SENP6: variants seen among roughly 807,000 people sequenced by gnomAD.
SENP6 encodes sentrin-specific protease 6.
Under a neutral mutation model 134.5 loss-of-function variants are expected in SENP6, and 41 were observed. That is an observed-to-expected ratio of 0.30 (90% CI 0.24 to 0.40). The LOEUF (loss-of-function observed/expected upper bound fraction) is 0.40. Among genes scored for constraint, SENP6 ranks in the 10% least tolerant of loss-of-function variants. The pLI, the probability that SENP6 is intolerant of heterozygous loss-of-function variation, is 1.00. For missense variants in SENP6, 1,248 were observed against 1,312.5 expected (o/e 0.95, Z 0.76); for synonymous variants, 395 against 429.8 (o/e 0.92, Z 1.00).
At chr6:75,715,312 C>T (rs7766781) in intron 23 of SENP6, 73 bp from the exon 24 acceptor site, 71,002 of 1,142,150 alleles carry the variant, frequency 0.062, 2,754 homozygotes, top group Non-Finnish European at 0.077. Context: ...TTTTTAACTT[C>T]GGAATGTTTC....
intron 5 of SENP6, among the ~76,000 whole-genome samples, chr6:75,640,050 C>T (rs1769906618): frequency 6.6e-6 from 1 of 152,062 alleles, no homozygotes; most frequent in African/African-American, 2.4e-5. Context: ...TTGAATTTTT[C>T]AGATATTGAG....
At chr6:75,609,975 A>T (rs1767321858) in intron 1 of SENP6, among the ~76,000 whole-genome samples, 1 of 152,024 alleles carries the variant, frequency 6.6e-6, no homozygotes, top group Admixed American at 6.5e-5. Context: ...TTTAGTAGAG[A>T]TGGGGTTTCT....
At chr6:75,617,904 CCTCAGGTTGGGT>C (rs1378217421) in intron 1 of SENP6, among the ~76,000 whole-genome samples, 2 of 152,038 alleles carry the variant, frequency 1.3e-5, no homozygotes, top group African/African-American at 4.8e-5. Flanking sequence ...ATACAGTGTC[CCTCAGGTTGGGT>C]TTGTCTGATG....
intron 11 of SENP6, among the ~76,000 whole-genome samples, chr6:75,672,446 G>A (rs1448323002): frequency 6.6e-6 from 1 of 152,176 alleles, no homozygotes; most frequent in Admixed American, 6.5e-5. Flanking sequence ...AACATAAAAT[G>A]TGTCAGTTTA....
At chr6:75,659,173 G>A (rs558363952) in intron 7 of SENP6, 89 bp from the exon 8 acceptor site, 257 of 932,672 alleles carry the variant, frequency 2.8e-4, no homozygotes, top group African/African-American at 2.1e-3. Context: ...ATAATTATTG[G>A]TTTAGTCTTA....
rs745487389 is a variant in SENP6, at chr6:75,709,656, T to C, written c.2820+26T>C. On this transcript the variant is annotated intron_variant, in intron 20 of 23. Transcript: ENST00000447266. ...GTAAAACTTAATGCTTGGCAAAAAG[T>C]TCTAATGTTTTATCTAATTAAAAGT... 3.2e-6 allele frequency: 5 copies of C among 1,540,356 alleles called. No homozygotes were observed. In the Admixed American group the frequency reaches 8.4e-5, roughly 26 times the overall value.
intron 7 of SENP6, among the ~76,000 whole-genome samples, chr6:75,653,183 A>G (rs1296735215): frequency 1.3e-5 from 2 of 152,140 alleles, no homozygotes; most frequent in African/African-American, 4.8e-5. Context: ...GGCCTGGGCC[A>G]GTCTGCCTGG....
intron 23 of SENP6, among the ~76,000 whole-genome samples, chr6:75,714,722 C>G (rs1775939325): frequency 6.6e-6 from 1 of 152,170 alleles, no homozygotes; most frequent in Non-Finnish European, 1.5e-5. Flanking sequence ...ATACAACAGC[C>G]AGCCACCTGA....
chr6:75,714,796 C>A (rs575497258), intron 23 of SENP6, among the ~76,000 whole-genome samples: 2 of 152,034 alleles, frequency 1.3e-5, no homozygotes, highest in East Asian at 3.9e-4. Flanking sequence ...ACCTGGAATA[C>A]TTTTTTGTTG....
At chr6:75,680,981 T>G (rs1177566587) in intron 16 of SENP6, among the ~76,000 whole-genome samples, 1 of 152,190 alleles carries the variant, frequency 6.6e-6, no homozygotes, top group Non-Finnish European at 1.5e-5. Context: ...GATTTCAAAA[T>G]GAAAATCATT....
chr6:75,661,669 A>G (rs1771784969), intron 8 of SENP6, among the ~76,000 whole-genome samples: 1 of 152,234 alleles, frequency 6.6e-6, no homozygotes, highest in Admixed American at 6.5e-5. Flanking sequence ...GCCTCTATGT[A>G]AACTTTAATT....
chr6:75,665,974 C>T (rs1772172498), intron 9 of SENP6, among the ~76,000 whole-genome samples: 1 of 150,888 alleles, frequency 6.6e-6, no homozygotes, highest in African/African-American at 2.4e-5. Flanking sequence ...TGCAGTGAGA[C>T]AAGATCGCGC....
At chr6:75,701,784 C>T (rs558563026) in intron 18 of SENP6, among the ~76,000 whole-genome samples, 5 of 151,886 alleles carry the variant, frequency 3.3e-5, no homozygotes, top group Non-Finnish European at 5.9e-5. Flanking sequence ...GGACTACAGG[C>T]GCACACTACC....
chr6:75,681,099 A>G (rs1773432838), intron 16 of SENP6, among the ~76,000 whole-genome samples: 1 of 152,230 alleles, frequency 6.6e-6, no homozygotes, highest in South Asian at 2.1e-4. Context: ...AAGATTTTAA[A>G]GCATCTGATA....
intron 16 of SENP6, among the ~76,000 whole-genome samples, chr6:75,683,610 C>A (rs1311416208): frequency 6.6e-6 from 1 of 152,206 alleles, no homozygotes; most frequent in Non-Finnish European, 1.5e-5. Flanking sequence ...CAGCTTTCTA[C>A]ATATGGCTAG....
intron 7 of SENP6, among the ~76,000 whole-genome samples, chr6:75,654,315 T>G (rs1324147571): frequency 6.6e-6 from 1 of 152,158 alleles, no homozygotes; most frequent in East Asian, 1.9e-4. Context: ...AGGAAAAGCT[T>G]TGCACCTAAT....
intron 3 of SENP6, among the ~76,000 whole-genome samples, chr6:75,625,667 G>A (rs1384248493): frequency 4.6e-5 from 7 of 152,112 alleles, no homozygotes; most frequent in Non-Finnish European, 7.4e-5. Flanking sequence ...TCAGTAGTTC[G>A]AGACCAGCCT....
chr6:75,606,062 A>G (rs1767005965), intron 1 of SENP6, among the ~76,000 whole-genome samples: 1 of 152,216 alleles, frequency 6.6e-6, no homozygotes, highest in South Asian at 2.1e-4. Flanking sequence ...TGGTACTGCC[A>G]TTTACTGAGA....
intron 11 of SENP6, among the ~76,000 whole-genome samples, chr6:75,674,710 A>G (rs1488992509): frequency 6.6e-6 from 1 of 152,194 alleles, no homozygotes; most frequent in Non-Finnish European, 1.5e-5. Context: ...GTTTAGTGAC[A>G]TTCTAGACTT....
Sources: allele counts gnomAD v4.1 joint callset (sites outside exome capture counted in the v4.1 genomes callset), GRCh38; gene constraint gnomAD v4.1.1; transcripts MANE v1.5; gene names NCBI Gene and HGNC (gene_info 2026-07-23, HGNC 2026-07-21).